Variants in PTPRN2 observed in about 807,000 individuals in gnomAD.
PTPRN2 encodes protein tyrosine phosphatase receptor type N2.
A neutral mutation model predicts 118.8 loss-of-function variants in PTPRN2; 74 were observed. The observed-to-expected ratio is 0.62, with a 90% CI of 0.52 to 0.76. PTPRN2 has a LOEUF of 0.76. PTPRN2 is among the 30% of genes least tolerant of loss of function. PTPRN2 has a pLI of 0.00. For synonymous variants in PTPRN2, 641 were observed against 608.0 expected (o/e 1.05, Z -0.80); for missense variants, 1,481 against 1,394.4 (o/e 1.06, Z -0.99).
chr7:157,920,206 A>G (rs1798622328), intron 11 of PTPRN2, among the ~76,000 whole-genome samples: 2 of 152,206 alleles, frequency 1.3e-5, no homozygotes, highest in South Asian at 4.1e-4. Context: ...AGAAAATAAA[A>G]ATTACTAACC....
rs2150440709 is a variant in PTPRN2, at chr7:158,134,006, T to G, written c.1227A>C (p.Arg409=). 1 of 1,613,768 alleles carries G rather than the reference T, an allele frequency of 6.2e-7. No homozygotes were observed. Among genetic ancestry groups the G allele is most frequent in the Middle Eastern group, 1.6e-4 (1 of 6,062 alleles). The change falls in exon 9 of 23, where the codon CGA becomes CGC. Residue 409 remains arginine (R), a synonymous_variant. Transcript: ENST00000389418. The stretch of plus-strand genomic sequence containing the variant: ...CAAAGGGGAGGGCTCCAGGTAAGAG[T>G]CGAGACCCGTGGTCCTGCAGGAGGC... ...LGGLLQDHGS[R]LLPGALPFAR...
chr7:158,305,151 T>C (rs147095678), intron 3 of PTPRN2, among the ~76,000 whole-genome samples: 3 of 152,264 alleles, frequency 2.0e-5, no homozygotes, highest in East Asian at 3.9e-4. Context: ...CTTCCCATCA[T>C]GGCCTGAACT....
At chr7:158,318,392 G>C (rs2151099706) in intron 2 of PTPRN2, among the ~76,000 whole-genome samples, 1 of 152,344 alleles carries the variant, frequency 6.6e-6, no homozygotes, top group East Asian at 1.9e-4. Context: ...GAACTGGGCA[G>C]CACGTCGAGA....
chr7:157,904,622 C>T (rs570947285), intron 11 of PTPRN2, among the ~76,000 whole-genome samples: 115 of 152,390 alleles, frequency 7.5e-4, no homozygotes, highest in Middle Eastern at 3.4e-3. Context: ...GGGGCGTCTA[C>T]GCGTTCCCTT....
rs552378929 is a variant in PTPRN2, at chr7:158,487,626, G to C, written c.163+2109C>G. On this transcript the variant is annotated intron_variant, in intron 2 of 22. Coordinates refer to ENST00000389418, the MANE Select transcript of PTPRN2 (RefSeq NM_002847.5). ...AGAGAGAGAGTGAGCCAGAGGGAGA[G>C]AAAGAGACCCTGCGGCTGGTGACAG... Among the ~76,000 whole-genome samples, 72 of 152,292 alleles carry C rather than the reference G, an allele frequency of 4.7e-4. 1 individual carries two copies. The South Asian group carries it at 0.014, about 31-fold the overall frequency.
At chr7:158,256,187 A>G (rs560653996) in intron 3 of PTPRN2, among the ~76,000 whole-genome samples, 2 of 152,248 alleles carry the variant, frequency 1.3e-5, no homozygotes, top group South Asian at 4.2e-4. Context: ...CGATGCTTTG[A>G]TGGTCCTCTT....
chr7:157,927,226 C>T (rs189544351), intron 11 of PTPRN2, among the ~76,000 whole-genome samples: 14 of 75,078 alleles, frequency 1.9e-4, no homozygotes, highest in East Asian at 4.5e-4. Context: ...CCCAGGGACC[C>T]GTCTGAGAGC....
Position 157,593,356 on chromosome 7 carries a change from G to A in PTPRN2, c.2496+1882C>T, listed in dbSNP as rs537623768. Among the ~76,000 whole-genome samples the A allele has an allele frequency of 1.6e-4, 24 of 152,318 alleles. 1 individual carries two copies. In the South Asian group the frequency reaches 5.0e-3, roughly 32 times the overall value. On this transcript the variant is annotated intron_variant, in intron 17 of 22. Coordinates refer to ENST00000389418, the MANE Select transcript of PTPRN2 (RefSeq NM_002847.5). Reference sequence around the variant, plus strand: ...ATCATCGTGGTCATTGAGTGTGGATGCCCTCCAGACCCTGTGGCTTTGCTG... The same window carrying A: ...ATCATCGTGGTCATTGAGTGTGGATACCCTCCAGACCCTGTGGCTTTGCTG...
At position 158,546,121 on chromosome 7, in the gene PTPRN2, G is replaced by A. The variant is rs796555842; in HGVS notation, c.112+41437C>T. ...CCCACAAACACGTGAGCCAGGTGAA[G>A]GGTCATGCAGAAAAGCAGGACTGGG... On this transcript the variant is annotated intron_variant, in intron 1 of 22. Transcript: ENST00000389418. The surrounding 1 kb of genome is among the most constrained non-coding windows in gnomAD (Gnocchi z 5.0). Among the ~76,000 whole-genome samples, 10 of 152,342 alleles carry A rather than the reference G, an allele frequency of 6.6e-5. No individual in the cohort carries two copies. Among genetic ancestry groups the A allele is most frequent in the African/African-American group, 2.4e-4 (10 of 41,580 alleles).
intron 1 of PTPRN2, among the ~76,000 whole-genome samples, chr7:158,567,597 T>C (rs1827739308): frequency 6.6e-6 from 1 of 152,180 alleles, no homozygotes; most frequent in Admixed American, 6.5e-5. Context: ...GCCAAGTTAA[T>C]TAACTGATTG....
At chr7:157,664,256 A>T (rs1489974659) in intron 13 of PTPRN2, among the ~76,000 whole-genome samples, 1 of 152,262 alleles carries the variant, frequency 6.6e-6, no homozygotes, top group East Asian at 1.9e-4. Context: ...CGTGGCACAC[A>T]TACTTCTTTA....
At chr7:158,490,480 C>T (rs1337377547) in intron 1 of PTPRN2, among the ~76,000 whole-genome samples, 1 of 152,228 alleles carries the variant, frequency 6.6e-6, no homozygotes, top group Non-Finnish European at 1.5e-5. Context: ...AGCCACGCAT[C>T]CCCCGCGGCC....
chr7:158,091,635 GGTGA>G (rs1231568850), intron 10 of PTPRN2, among the ~76,000 whole-genome samples: 33 of 147,912 alleles, frequency 2.2e-4, no homozygotes, highest in African/African-American at 8.0e-4. Context: ...TGGGTGGGTG[GGTGA>G]GAGATAGGTG....
Position 157,780,978 on chromosome 7 carries a change from T to C in PTPRN2, c.1789-98041A>G, listed in dbSNP as rs1803644699. Among the ~76,000 whole-genome samples the C allele has an allele frequency of 6.6e-6, 1 of 151,900 alleles. No homozygotes were observed. The highest frequency in any genetic ancestry group is 2.1e-4 in the South Asian group (1 of 4,782). ...CCAGGCAGCTCCAGGCCAAACCTTC[T>C]CTGGCCTCCTGCCGCTCACGGCCAC... is the stretch of plus-strand genomic sequence containing the variant. On this transcript the variant is annotated intron_variant, in intron 12 of 22. Coordinates refer to ENST00000389418, the MANE Select transcript of PTPRN2 (RefSeq NM_002847.5). The surrounding 1 kb of genome is among the most constrained non-coding windows in gnomAD (Gnocchi z 4.5).
intron 2 of PTPRN2, among the ~76,000 whole-genome samples, chr7:158,341,684 C>T (rs1806839583): frequency 7.8e-6 from 1 of 128,584 alleles, no homozygotes; most frequent in Non-Finnish European, 1.6e-5. Context: ...GAGCTGTCGC[C>T]CGCAGAGGTC....
chr7:158,324,867 C>T (rs1803358057), intron 2 of PTPRN2, among the ~76,000 whole-genome samples: 1 of 152,168 alleles, frequency 6.6e-6, no homozygotes, highest in Non-Finnish European at 1.5e-5. Flanking sequence ...TCTTGCCACA[C>T]TTTGCTTAGG....
chr7:158,225,468 A>G (rs1044956493), intron 3 of PTPRN2, among the ~76,000 whole-genome samples: 1 of 152,156 alleles, frequency 6.6e-6, no homozygotes, highest in African/African-American at 2.4e-5. Flanking sequence ...CCAATTCAAG[A>G]AGGATAGATG....
chr7:157,610,769 C>T lies in PTPRN2; in HGVS notation c.2345-6694G>A, dbSNP rs986322003. 2.0e-5 allele frequency among the ~76,000 whole-genome samples: 3 copies of T among 152,210 alleles called. No individual in the cohort carries two copies. The highest frequency in any genetic ancestry group is 4.4e-5 in the Non-Finnish European group (3 of 68,028). ...GACCAGCAACAGCGTGATGACAGAACGCATTCTGAAGGGGCAGGTCCTCTT... is the reference window on the plus strand; with the variant it reads ...GACCAGCAACAGCGTGATGACAGAATGCATTCTGAAGGGGCAGGTCCTCTT... On this transcript the variant is annotated intron_variant, in intron 15 of 22. Coordinates refer to ENST00000389418, the MANE Select transcript of PTPRN2 (RefSeq NM_002847.5). The surrounding 1 kb of genome is among the most constrained non-coding windows in gnomAD (Gnocchi z 5.1).
chr7:158,490,856 G>A (rs561224487), intron 1 of PTPRN2, among the ~76,000 whole-genome samples: 1 of 152,222 alleles, frequency 6.6e-6, no homozygotes, highest in Non-Finnish European at 1.5e-5. Flanking sequence ...ACTGTGGATT[G>A]AGTGTGTATT....
Sources: allele counts gnomAD v4.1 joint callset (sites outside exome capture counted in the v4.1 genomes callset), GRCh38; gene constraint gnomAD v4.1.1; non-coding constraint Gnocchi (gnomAD v3.1); transcripts MANE v1.5; gene names NCBI Gene and HGNC (gene_info 2026-07-23, HGNC 2026-07-21).